GABRA3: variants seen among roughly 807,000 people sequenced by gnomAD.
GABRA3 encodes the protein gamma-aminobutyric acid type A receptor subunit alpha3.
Under a neutral mutation model 30.1 loss-of-function variants are expected in GABRA3, and 10 were observed. The ratio of observed to expected loss-of-function variants is 0.33; its 90% confidence interval spans 0.20 to 0.56. GABRA3 has a LOEUF of 0.56. Among genes scored for constraint, GABRA3 ranks in the 20% least tolerant of loss-of-function variants. The pLI, the probability that GABRA3 is intolerant of heterozygous loss-of-function variation, is 0.89. For missense variants in GABRA3, 233 were observed against 392.0 expected, an observed-to-expected ratio of 0.59 and a Z score of 3.42; for synonymous variants, 151 against 146.8, an observed-to-expected ratio of 1.03 and a Z score of -0.21.
chrX:152,203,150 A>G (rs749704923), intron 7 of GABRA3, among the ~76,000 whole-genome samples: 1 of 111,757 alleles, frequency 8.9e-6, no homozygotes, highest in East Asian at 2.8e-4. Flanking sequence ...GGTCTCAAGA[A>G]TGGGAATGGA....
At chrX:152,204,004 G>A (rs1429012906) in intron 7 of GABRA3, among the ~76,000 whole-genome samples, 2 of 111,763 alleles carry the variant, frequency 1.8e-5, no homozygotes, top group East Asian at 2.8e-4. Context: ...TACAATGAAA[G>A]CAAACTTTTA....
At chrX:152,302,922 T>C (rs190832583) in intron 3 of GABRA3, among the ~76,000 whole-genome samples, 6 of 112,100 alleles carry the variant, frequency 5.4e-5, no homozygotes, top group Admixed American at 1.9e-4. Flanking sequence ...TATTCTTTTA[T>C]GACTGTGTAG....
At chrX:152,219,347 C>A (rs1242557465) in intron 6 of GABRA3, among the ~76,000 whole-genome samples, 2 of 111,041 alleles carry the variant, frequency 1.8e-5, no homozygotes, top group Non-Finnish European at 3.8e-5. Context: ...CCAATAACAA[C>A]CCTCATCAAG....
chrX:152,268,980 G>A (rs778599762), intron 4 of GABRA3, among the ~76,000 whole-genome samples: 1 of 111,974 alleles, frequency 8.9e-6, no homozygotes, highest in Non-Finnish European at 1.9e-5. Flanking sequence ...CTGATTTCTA[G>A]TTTTATTCCA....
intron 3 of GABRA3, among the ~76,000 whole-genome samples, chrX:152,337,068 TA>T (rs1333794009): frequency 2.7e-5 from 3 of 110,638 alleles, no homozygotes; most frequent in African/African-American, 1.0e-4. Flanking sequence ...AATATTTTTT[TA>T]TAAAAATTTA....
intron 5 of GABRA3, among the ~76,000 whole-genome samples, chrX:152,236,264 G>A (rs1164751213): frequency 1.9e-5 from 2 of 104,208 alleles, no homozygotes; most frequent in East Asian, 3.0e-4. Context: ...TTGTTCTTGC[G>A]ATAGTTTACT....
chrX:152,185,037 T>G lies in GABRA3; in HGVS notation c.1143+4693A>C, dbSNP rs776343391. On this transcript the variant is annotated intron_variant, in intron 9 of 9. Coordinates refer to ENST00000370314, the MANE Select transcript of GABRA3 (RefSeq NM_000808.4). ...AAATCTTAAAATCAGTTATATTATT[T>G]TAAAACTGTTTTATGCTCACCCATT... Among the ~76,000 whole-genome samples the G allele has an allele frequency of 1.5e-4, 17 of 112,332 alleles. No homozygotes were observed. In the East Asian group the frequency reaches 4.4e-3, roughly 29 times the overall value.
intron 4 of GABRA3, among the ~76,000 whole-genome samples, chrX:152,262,819 G>A (rs1262369502): frequency 9.0e-6 from 1 of 111,373 alleles, no homozygotes; most frequent in African/African-American, 3.3e-5. Context: ...ACATTTTCAG[G>A]CATCTTTACA....
rs1314638989 is a variant in GABRA3, at chrX:152,166,456, G to A, written c.*1772C>T. 1 of 106,027 alleles carries A rather than the reference G, an allele frequency of 9.4e-6. No homozygotes were observed. 8.7% of individuals were successfully genotyped at this position (106,027 alleles called of 1,213,427 possible). On this transcript the variant is annotated 3_prime_UTR_variant, in exon 10 of 10. Coordinates refer to ENST00000370314, the MANE Select transcript of GABRA3 (RefSeq NM_000808.4). ...GACACAGTCTTAGGAATAATGGGAC[G>A]GGCATGCATTATCCCAGCAATGGCA...
At chrX:152,443,698 G>A (rs1330321841) in intron 1 of GABRA3, among the ~76,000 whole-genome samples, 3 of 111,640 alleles carry the variant, frequency 2.7e-5, no homozygotes, top group Admixed American at 1.9e-4. Context: ...GAAAGGGGAA[G>A]AGTGAGTGTT....
At chrX:152,278,038 C>T (rs748489548) in intron 4 of GABRA3, among the ~76,000 whole-genome samples, 39 of 112,292 alleles carry the variant, frequency 3.5e-4, no homozygotes, top group African/African-American at 1.2e-3. Context: ...CTCTACTCTT[C>T]GCCTTCTCTT....
chrX:152,306,287 T>C (rs1334729478), intron 3 of GABRA3, among the ~76,000 whole-genome samples: 1 of 112,063 alleles, frequency 8.9e-6, no homozygotes, highest in African/African-American at 3.2e-5. Flanking sequence ...GGGCAATATC[T>C]GCTAAAGCTT....
At chrX:152,261,534 C>T (rs1938729430) in intron 4 of GABRA3, among the ~76,000 whole-genome samples, 1 of 112,217 alleles carries the variant, frequency 8.9e-6, no homozygotes. Context: ...CTACAGTCCC[C>T]ATGCAAGTCC....
intron 6 of GABRA3, 39 bp downstream of exon 6, chrX:152,224,724 C>CAA: frequency 3.6e-6 from 3 of 831,997 alleles, no homozygotes; most frequent in Non-Finnish European, 3.3e-6. Context: ...GAAGATCAGG[C>CAA]AAAAAAAAAA....
At position 152,224,778 on chromosome X, in the gene GABRA3, G is replaced by T; in HGVS notation, c.619C>A (p.Leu207Met). 8.4e-7 allele frequency: 1 copy of T among 1,191,405 alleles called. No individual in the cohort carries two copies. The highest frequency in any genetic ancestry group is 3.0e-5 in the East Asian group (1 of 33,677). The part of the protein sequence containing the change: ...DFPMDVHACP[L>M]KFGSYAYTTA... ...AAATACATACAGCTTCCAAACTTCA[G>T]TGGGCAGGCATGCACATCCATGGGA... Residue 207 changes from leucine to methionine, a missense_variant, in exon 6 of 10, where the codon CTG becomes ATG. Physicochemically the swap from Leu to Met is conservative, Grantham distance 15. Transcript: ENST00000370314.
chrX:152,249,735 C>A (rs1938520184), intron 5 of GABRA3, among the ~76,000 whole-genome samples: 1 of 111,118 alleles, frequency 9.0e-6, no homozygotes, highest in Non-Finnish European at 1.9e-5. Flanking sequence ...AACTTTTAGT[C>A]CTTCAATGTA....
intron 3 of GABRA3, among the ~76,000 whole-genome samples, chrX:152,335,345 A>G (rs1179154436): frequency 2.7e-5 from 3 of 112,038 alleles, no homozygotes; most frequent in African/African-American, 9.7e-5. Context: ...AGAGAGCATC[A>G]GATCGTTCCC....
chrX:152,269,550 A>T (rs1938889402), intron 4 of GABRA3, among the ~76,000 whole-genome samples: 1 of 112,405 alleles, frequency 8.9e-6, no homozygotes, highest in African/African-American at 3.2e-5. Context: ...AGCAAAAAGA[A>T]CAAAGCCTGA....
At chrX:152,300,721 A>G (rs757857752) in intron 3 of GABRA3, among the ~76,000 whole-genome samples, 1 of 112,542 alleles carries the variant, frequency 8.9e-6, no homozygotes, top group Non-Finnish European at 1.9e-5. Context: ...AATTTTAGAA[A>G]TAAAAAATGC....
Sources: allele counts gnomAD v4.1 joint callset (sites outside exome capture counted in the v4.1 genomes callset), GRCh38; gene constraint gnomAD v4.1.1; transcripts MANE v1.5; gene names NCBI Gene and HGNC (gene_info 2026-07-23, HGNC 2026-07-21).